The following GALNTL6 variants were observed in gnomAD, a reference collection of about 807,000 sequenced individuals.
GALNTL6 encodes the protein polypeptide N-acetylgalactosaminyltransferase-like 6.
GALNTL6 carries 46 observed loss-of-function variants against 73.7 expected under a neutral mutation model. The observed-to-expected ratio is 0.62, with a 90% CI of 0.49 to 0.80. The LOEUF is 0.80. Ranked by LOEUF, GALNTL6 falls within the 30% of genes least tolerant of loss-of-function variation. The probability of loss-of-function intolerance (pLI) is 0.00; values close to 1 mark genes in which losing one functional copy is unlikely to be tolerated. For missense variants in GALNTL6, 604 were observed against 755.0 expected (o/e 0.80, Z 2.34); for synonymous variants, 259 against 263.7 (o/e 0.98, Z 0.17).
intron 5 of GALNTL6, among the ~76,000 whole-genome samples, chr4:172,538,051 AGAGAT>A (rs1464239357): frequency 1.1e-4 from 16 of 152,196 alleles, no homozygotes; most frequent in African/African-American, 3.9e-4. Flanking sequence ...TTGCAGCAAT[AGAGAT>A]GAGAGTAGAA....
chr4:172,344,347 G>A (rs946146200), intron 4 of GALNTL6, among the ~76,000 whole-genome samples: 3 of 152,158 alleles, frequency 2.0e-5, no homozygotes, highest in Admixed American at 2.0e-4. Context: ...CAATGCCTGA[G>A]CTTGGCAGTG....
intron 5 of GALNTL6, among the ~76,000 whole-genome samples, chr4:172,420,961 A>G (rs1258112021): frequency 6.6e-6 from 1 of 152,036 alleles, no homozygotes; most frequent in East Asian, 1.9e-4. Flanking sequence ...GAGCTTAACA[A>G]TGAGAACACA....
At chr4:172,594,286 A>G (rs1228821838) in intron 5 of GALNTL6, among the ~76,000 whole-genome samples, 1 of 152,178 alleles carries the variant, frequency 6.6e-6, no homozygotes. Context: ...TGGAGGTTGC[A>G]GTGAGCCAAG....
chr4:172,338,445 C>G (rs549247521), intron 4 of GALNTL6, among the ~76,000 whole-genome samples: 2 of 151,592 alleles, frequency 1.3e-5, no homozygotes, highest in Non-Finnish European at 2.9e-5. Flanking sequence ...TTCTCTCTTT[C>G]CCTATAATGT....
chr4:171,834,653 A>G (rs1212162435), intron 2 of GALNTL6, among the ~76,000 whole-genome samples: 1 of 152,162 alleles, frequency 6.6e-6, no homozygotes, highest in Non-Finnish European at 1.5e-5. Flanking sequence ...AATAGATTTT[A>G]GGAAGAGGGA....
intron 5 of GALNTL6, among the ~76,000 whole-genome samples, chr4:172,759,555 C>T (rs1441025571): frequency 2.6e-5 from 4 of 152,150 alleles, no homozygotes; most frequent in Admixed American, 6.5e-5. Context: ...CAATTTCATC[C>T]ACCCTTTAGG....
chr4:172,459,578 CAG>C (rs1157307026), intron 5 of GALNTL6, among the ~76,000 whole-genome samples: 6 of 152,132 alleles, frequency 3.9e-5, no homozygotes, highest in African/African-American at 1.2e-4. Flanking sequence ...GATAGACAAA[CAG>C]AGAGTCAAAT....
intron 7 of GALNTL6, among the ~76,000 whole-genome samples, chr4:172,876,362 T>C (rs913758035): frequency 1.3e-5 from 2 of 152,242 alleles, no homozygotes; most frequent in African/African-American, 4.8e-5. Flanking sequence ...CACCTGCTTT[T>C]GGATAACTAG....
intron 2 of GALNTL6, among the ~76,000 whole-genome samples, chr4:172,178,281 C>A (rs1400046072): frequency 1.3e-5 from 2 of 151,990 alleles, no homozygotes; most frequent in African/African-American, 4.8e-5. Context: ...GTTCTATTTT[C>A]TTTTTTTAAA....
intron 2 of GALNTL6, among the ~76,000 whole-genome samples, chr4:172,126,727 C>G (rs565927018): frequency 6.6e-6 from 1 of 152,182 alleles, no homozygotes; most frequent in Non-Finnish European, 1.5e-5. Context: ...GGAGCTCACA[C>G]TGGGTTTCAC....
intron 5 of GALNTL6, among the ~76,000 whole-genome samples, chr4:172,644,700 CT>C (rs1208412611): frequency 2.0e-5 from 3 of 151,888 alleles, no homozygotes; most frequent in Non-Finnish European, 4.4e-5. Context: ...GTAATTATTT[CT>C]TCCAGATATA....
chr4:172,579,822 G>T (rs1737103709), intron 5 of GALNTL6, among the ~76,000 whole-genome samples: 1 of 147,384 alleles, frequency 6.8e-6, no homozygotes, highest in Non-Finnish European at 1.5e-5. Flanking sequence ...GGGAAGGAAG[G>T]AGGGAAGGAA....
chr4:172,213,139 T>A (rs762250077), intron 2 of GALNTL6, among the ~76,000 whole-genome samples: 6 of 152,194 alleles, frequency 3.9e-5, no homozygotes, highest in Non-Finnish European at 8.8e-5. Flanking sequence ...TATTAATCAC[T>A]AGATAATATT....
chr4:172,123,936 AT>A (rs1733222838), intron 2 of GALNTL6, among the ~76,000 whole-genome samples: 1 of 152,132 alleles, frequency 6.6e-6, no homozygotes. Flanking sequence ...TTTTTATGTC[AT>A]CCTTTGACCT....
chr4:172,056,043 C>A (rs888191525), intron 2 of GALNTL6, among the ~76,000 whole-genome samples: 1 of 151,930 alleles, frequency 6.6e-6, no homozygotes, highest in Non-Finnish European at 1.5e-5. Flanking sequence ...ACCAAATATT[C>A]CAAAATAGTA....
intron 8 of GALNTL6, among the ~76,000 whole-genome samples, chr4:172,887,752 C>T (rs1174009400): frequency 2.0e-5 from 3 of 152,030 alleles, no homozygotes; most frequent in South Asian, 2.1e-4. Context: ...TTTGTAGAGA[C>T]GGGGTTTCCC....
At chr4:172,249,606 G>C (rs1426731022) in intron 3 of GALNTL6, among the ~76,000 whole-genome samples, 1 of 152,090 alleles carries the variant, frequency 6.6e-6, no homozygotes, top group Non-Finnish European at 1.5e-5. Context: ...CCAGGCTCAG[G>C]GCCCCCCTGC....
At chr4:172,208,915 C>G (rs981208587) in intron 2 of GALNTL6, among the ~76,000 whole-genome samples, 3 of 152,046 alleles carry the variant, frequency 2.0e-5, no homozygotes, top group African/African-American at 7.2e-5. Flanking sequence ...TTCTTTTTAT[C>G]TTTGGGCAAA....
chr4:172,532,735 C>T (rs373980521), intron 5 of GALNTL6, among the ~76,000 whole-genome samples: 1 of 152,018 alleles, frequency 6.6e-6, no homozygotes, highest in South Asian at 2.1e-4. Context: ...TGTTCAGAAA[C>T]ATAAGGAAAT....
Sources: gnomAD v4.1 joint callset for allele counts (sites outside exome capture counted in the v4.1 genomes callset) on GRCh38, gnomAD v4.1.1 for gene constraint, MANE v1.5 for transcripts, NCBI Gene and HGNC (gene_info 2026-07-23, HGNC 2026-07-21) for gene names.